Variants in DNAH5 observed in about 807,000 individuals in gnomAD.
The protein encoded by DNAH5 is axonemal beta dynein heavy chain 5.
In DNAH5, 372 loss-of-function variants were observed where a neutral mutation model predicts 518.2. The observed-to-expected ratio is 0.72, with a 90% confidence interval of 0.66 to 0.78. The LOEUF (loss-of-function observed/expected upper bound fraction) is 0.78. Ranked by LOEUF, DNAH5 falls within the 30% of genes least tolerant of loss-of-function variation. The pLI is 0.00. For missense variants in DNAH5, 5,523 were observed against 5,687.0 expected (o/e 0.97, Z 0.93); for synonymous variants, 2,039 against 2,025.9 (o/e 1.01, Z -0.17).
Position 13,922,184 on chromosome 5 carries a change from T to C in DNAH5, c.583A>G (p.Ile195Val), listed in dbSNP as rs1777382542. Reference protein sequence around the residue: ...ELEGLQDAANIRQEFLSSLEG... With the variant: ...ELEGLQDAANVRQEFLSSLEG... ...AGGGAGCTCAAGAACTCCTGGCGAA[T>C]GTTAGCTGCGTCCTGAAGGCCCTCG... is the stretch of plus-strand genomic sequence containing the variant. The change falls in exon 5 of 79, where the codon ATT (isoleucine) becomes GTT (valine). Residue 195 changes from isoleucine (I) to valine (V), a missense_variant. By Grantham distance (29) the Ile-to-Val change is conservative. This residue lies in a region of DNAH5 where 5,121 missense variants were observed against 5,223.3 expected (regional missense o/e 0.98). Coordinates refer to ENST00000265104, the MANE Select transcript of DNAH5 (RefSeq NM_001369.3). The C allele has an allele frequency of 1.2e-6, 2 of 1,613,966 alleles. No homozygotes were observed. Among genetic ancestry groups the C allele is most frequent in the South Asian group, 1.1e-5 (1 of 91,086 alleles).
Position 13,716,692 on chromosome 5 carries a change from T to C in DNAH5, c.12706-2A>G. On this transcript the variant is annotated splice_acceptor_variant, in intron 73 of 78. Coordinates refer to ENST00000265104, the MANE Select transcript of DNAH5 (RefSeq NM_001369.3). LOFTEE classifies it high-confidence loss of function. ...GCGGATGGTGGTCCAGGAGACACCC[T>C]GGGAAATTTTATAGAATAATTATGT... The C allele has an allele frequency of 6.2e-7, 1 of 1,606,034 alleles. No individual in the cohort carries two copies. Among genetic ancestry groups the C allele is most frequent in the South Asian group, 1.1e-5 (1 of 90,854 alleles).
chr5:13,842,050 T>A (rs201024700), intron 32 of DNAH5, 146 bp from the exon 33 acceptor site: 56 of 521,630 alleles, frequency 1.1e-4, no homozygotes, highest in Middle Eastern at 1.0e-3. Context: ...TTCAAAACAA[T>A]AAAAAAAAAA....
At chr5:14,009,122 T>C (rs566786749) in intron 1 of DNAH5, among the ~76,000 whole-genome samples, 1 of 152,344 alleles carries the variant, frequency 6.6e-6, no homozygotes, top group South Asian at 2.1e-4. Flanking sequence ...GTTGCTCAAC[T>C]CTTTTTTTGT....
At chr5:13,874,435 A>C (rs1230052420) in intron 22 of DNAH5, among the ~76,000 whole-genome samples, 1 of 152,202 alleles carries the variant, frequency 6.6e-6, no homozygotes, top group East Asian at 1.9e-4. Context: ...TGACCTCAGT[A>C]GGAAAATTAG....
intron 1 of DNAH5, among the ~76,000 whole-genome samples, chr5:13,979,548 C>A (rs1278924728): frequency 6.6e-6 from 1 of 152,170 alleles, no homozygotes; most frequent in South Asian, 2.1e-4. Flanking sequence ...AATACTACCA[C>A]CACCAGCCCC....
chr5:13,702,882 T>C (rs1220853272), intron 76 of DNAH5, among the ~76,000 whole-genome samples: 1 of 152,052 alleles, frequency 6.6e-6, no homozygotes, highest in Non-Finnish European at 1.5e-5. Flanking sequence ...TCCTATCACC[T>C]TCCCATTTAG....
intron 1 of DNAH5, among the ~76,000 whole-genome samples, chr5:13,956,584 C>T (rs984648653): frequency 6.6e-6 from 1 of 152,196 alleles, no homozygotes; most frequent in Non-Finnish European, 1.5e-5. Context: ...GTGTAAAAGG[C>T]AAATCCCAGC....
At chr5:13,964,996 C>A (rs531273057) in intron 1 of DNAH5, among the ~76,000 whole-genome samples, 18 of 152,182 alleles carry the variant, frequency 1.2e-4, no homozygotes, top group Non-Finnish European at 2.2e-4. Flanking sequence ...CCCTCCACCT[C>A]GTCCACTGGG....
In DNAH5 at chr5:13,727,672, G is replaced by T; in HGVS notation, c.11884-16C>A. 9 of 1,613,548 alleles carry T rather than the reference G, an allele frequency of 5.6e-6. No homozygotes were observed. The highest frequency in any genetic ancestry group is 7.6e-6 in the Non-Finnish European group (9 of 1,179,594). Reference sequence around the variant, plus strand: ...TTCTCGATATCTGAAAATACCATGGGATAAAAACTGTGTCATGCCACCCAA... The same window carrying T: ...TTCTCGATATCTGAAAATACCATGGTATAAAAACTGTGTCATGCCACCCAA... On this transcript the variant is annotated splice_polypyrimidine_tract_variant and intron_variant, in intron 69 of 78. Coordinates refer to ENST00000265104, the MANE Select transcript of DNAH5 (RefSeq NM_001369.3).
At position 13,810,097 on chromosome 5, in the gene DNAH5, G is replaced by A. The variant is rs369824303; in HGVS notation, c.7571C>T (p.Pro2524Leu). 17 of 1,552,246 alleles carry A rather than the reference G, an allele frequency of 1.1e-5. No individual in the cohort carries two copies. The highest frequency in any genetic ancestry group is 7.3e-5 in the East Asian group (3 of 41,196). ...ATAGTAGTCGAAGGCGGTGTCCCCG[G>A]GCCCCGCTGGCGGCGGCAGCTCCAG... ...GTLELPPPAG[P>L]GDTAFDYYVA... Residue 2524 changes from proline to leucine, a missense_variant, in exon 45 of 79, where the codon CCC (proline) becomes CTC (leucine). This residue lies in a region of DNAH5 where 5,121 missense variants were observed against 5,223.3 expected (regional missense o/e 0.98). Coordinates refer to ENST00000265104, the MANE Select transcript of DNAH5 (RefSeq NM_001369.3).
In DNAH5 at chr5:13,930,410, A is replaced by G. The variant is rs974316759; in HGVS notation, c.192+700T>C. Among the ~76,000 whole-genome samples the G allele has an allele frequency of 5.9e-5, 9 of 152,284 alleles. No homozygotes were observed. In the East Asian group the frequency reaches 1.5e-3, roughly 26 times the overall value. Reference sequence around the variant, plus strand: ...CCCAAATCCAGTTGTTAAAATTTACAAGACTACCACTGAAAAGAATTCCCA... The same window carrying G: ...CCCAAATCCAGTTGTTAAAATTTACGAGACTACCACTGAAAAGAATTCCCA... On this transcript the variant is annotated intron_variant, in intron 2 of 78. Transcript: ENST00000265104.
chr5:13,949,330 C>T (rs1466000267), upstream of DNAH5, among the ~76,000 whole-genome samples: 1 of 151,912 alleles, frequency 6.6e-6, no homozygotes, highest in East Asian at 1.9e-4. Flanking sequence ...TTAAAACTCA[C>T]AATAAAAAGA....
intron 12 of DNAH5, among the ~76,000 whole-genome samples, chr5:13,908,316 A>C (rs750019139): frequency 9.9e-5 from 15 of 152,210 alleles, no homozygotes; most frequent in Non-Finnish European, 2.2e-4. Context: ...TCACTACATA[A>C]AAAATCTCTA....
intron 47 of DNAH5, among the ~76,000 whole-genome samples, chr5:13,807,187 C>T (rs751754562): frequency 5.3e-5 from 8 of 152,054 alleles, no homozygotes; most frequent in Admixed American, 1.3e-4. Flanking sequence ...GCAACAGGGA[C>T]GCATTAAAGA....
At chr5:13,920,703 TCTGA>T (rs1777159622) in intron 5 of DNAH5, 86 bp from the exon 6 acceptor site, 1 of 1,493,472 alleles carries the variant, frequency 6.7e-7, no homozygotes, top group African/African-American at 1.4e-5. Flanking sequence ...TTTGCTGCAC[TCTGA>T]CAGCGCTCTG....
chr5:13,893,149 T>A (rs1373979), intron 16 of DNAH5, among the ~76,000 whole-genome samples: 1 of 152,040 alleles, frequency 6.6e-6, no homozygotes, highest in South Asian at 2.1e-4. Context: ...GAAAATCTAC[T>A]GATAAGACAA....
Position 13,758,711 on chromosome 5 carries a change from A to G in DNAH5, c.10419+135T>C. On this transcript the variant is annotated intron_variant, in intron 61 of 78. Transcript: ENST00000265104. ...TGACTGACCATCCTGTTGTCTCATC[A>G]AAGACCCTTGGTGTCCATTATGTGC... 4 of 1,305,362 alleles carry G rather than the reference A, an allele frequency of 3.1e-6. 1 individual carries two copies. Among genetic ancestry groups the G allele is most frequent in the Non-Finnish European group, 4.4e-6 (4 of 914,526 alleles). The allele number at this position is 1,305,362 out of a possible 1,614,324, so 80.9% of individuals were successfully genotyped here. A position where few individuals can be genotyped will look rare whatever the true frequency, so the allele number is the denominator to read the frequency against.
intron 59 of DNAH5, among the ~76,000 whole-genome samples, 193 bp from the exon 60 acceptor site, chr5:13,763,094 T>G (rs1166154171): frequency 6.6e-6 from 1 of 152,174 alleles, no homozygotes; most frequent in East Asian, 1.9e-4. Context: ...AGCAAAGAAG[T>G]CTGTTAGAGT....
intron 55 of DNAH5, among the ~76,000 whole-genome samples, chr5:13,775,000 A>G (rs1197853551): frequency 6.6e-6 from 1 of 152,160 alleles, no homozygotes; most frequent in Non-Finnish European, 1.5e-5. Context: ...TAGCTCTGAA[A>G]TACTCTTGAT....
Sources: allele counts gnomAD v4.1 joint callset (sites outside exome capture counted in the v4.1 genomes callset), GRCh38; gene constraint gnomAD v4.1.1; regional missense constraint gnomAD v4.1.1; transcripts MANE v1.5; gene names NCBI Gene and HGNC (gene_info 2026-07-23, HGNC 2026-07-21).